Variants in NRG3 observed in about 807,000 individuals in gnomAD.
The protein encoded by NRG3 is neuregulin 3.
In NRG3, 31 loss-of-function variants were observed where a neutral mutation model predicts 66.9. That is an observed-to-expected ratio of 0.46 (90% confidence interval 0.35 to 0.63). The LOEUF (loss-of-function observed/expected upper bound fraction) is 0.63. NRG3 is among the 20% of genes least tolerant of loss of function. The pLI is 0.00. For missense variants in NRG3, 910 were observed against 878.9 expected, an observed-to-expected ratio of 1.04 and a Z score of -0.45; for synonymous variants, 393 against 359.4, an observed-to-expected ratio of 1.09 and a Z score of -1.06.
intron 1 of NRG3, among the ~76,000 whole-genome samples, chr10:82,170,043 C>T (rs1351216310): frequency 1.3e-5 from 2 of 149,298 alleles, no homozygotes; most frequent in Non-Finnish European, 3.0e-5. Flanking sequence ...GAGATATTTT[C>T]TATCTCCACT....
intron 3 of NRG3, among the ~76,000 whole-genome samples, chr10:82,822,731 G>A (rs1461101427): frequency 6.6e-6 from 1 of 152,006 alleles, no homozygotes; most frequent in African/African-American, 2.4e-5. Flanking sequence ...GGTTTTGTGA[G>A]GCCAGTTCCA....
At chr10:82,534,261 C>G (rs1847592440) in intron 2 of NRG3, among the ~76,000 whole-genome samples, 1 of 149,874 alleles carries the variant, frequency 6.7e-6, no homozygotes, top group Non-Finnish European at 1.5e-5. Context: ...TAGAAAAATC[C>G]ATTTTGTTTT....
Position 81,875,331 on chromosome 10 carries a change from G to T in NRG3, c.-10G>T. On this transcript the variant is annotated 5_prime_UTR_variant, in exon 1 of 9. Transcript: ENST00000372141. The surrounding 1 kb of genome is among the most constrained non-coding windows in gnomAD (Gnocchi z 5.3). ...CCTCGGGGGGGCGAAGGTGAAGACCGGCTCCTAGGATGAGTGAAGGGGCGG... is the reference window on the plus strand; with the variant it reads ...CCTCGGGGGGGCGAAGGTGAAGACCTGCTCCTAGGATGAGTGAAGGGGCGG... The T allele has an allele frequency of 2.0e-6, 2 of 986,202 alleles. No homozygotes were observed. Among genetic ancestry groups the T allele is most frequent in the Non-Finnish European group, 2.4e-6 (2 of 831,974 alleles). The allele number at this position is 986,202 out of a possible 1,614,324, so 61.1% of individuals were successfully genotyped here.
chr10:82,419,925 A>T (rs2088934532), intron 2 of NRG3, among the ~76,000 whole-genome samples: 1 of 152,196 alleles, frequency 6.6e-6, no homozygotes, highest in Non-Finnish European at 1.5e-5. Flanking sequence ...GCTCAGAGAC[A>T]CTAATATACT....
chr10:82,313,403 C>T (rs7897939), intron 1 of NRG3, among the ~76,000 whole-genome samples: 24,049 of 151,764 alleles, frequency 0.16, 4,377 homozygotes, highest in African/African-American at 0.44. Flanking sequence ...GGAATTGTTG[C>T]GATTATCATT....
chr10:82,544,083 C>A (rs2043732066), intron 2 of NRG3, among the ~76,000 whole-genome samples: 1 of 152,092 alleles, frequency 6.6e-6, no homozygotes, highest in Admixed American at 6.5e-5. Context: ...TTGCTTTATC[C>A]CTAAAATGGG....
chr10:82,184,557 A>G (rs912948811), intron 1 of NRG3, among the ~76,000 whole-genome samples: 22 of 152,158 alleles, frequency 1.4e-4, no homozygotes, highest in Non-Finnish European at 1.5e-5. Context: ...ATGTATAATA[A>G]TACTTTCTAT....
At chr10:82,452,193 T>G (rs2091045168) in intron 2 of NRG3, among the ~76,000 whole-genome samples, 1 of 152,242 alleles carries the variant, frequency 6.6e-6, no homozygotes, top group Non-Finnish European at 1.5e-5. Context: ...AAACTCATAA[T>G]GATGTGTTTC....
intron 3 of NRG3, among the ~76,000 whole-genome samples, chr10:82,748,963 A>G (rs202167345): frequency 2.0e-5 from 3 of 150,630 alleles, no homozygotes; most frequent in Non-Finnish European, 2.9e-5. Flanking sequence ...TAGAGTTATA[A>G]TTATGATTCC....
chr10:82,636,508 C>A (rs1200458954), intron 2 of NRG3, among the ~76,000 whole-genome samples: 3 of 152,066 alleles, frequency 2.0e-5, no homozygotes, highest in Admixed American at 6.6e-5. Context: ...TAAGTGAGAC[C>A]ATATAATATT....
chr10:82,981,183 T>C (rs1418635743), intron 8 of NRG3, among the ~76,000 whole-genome samples: 1 of 152,172 alleles, frequency 6.6e-6, no homozygotes, highest in African/African-American at 2.4e-5. Context: ...TCTCATTACA[T>C]GTTCAGGCAA....
chr10:82,900,446 G>A (rs1225957849), intron 4 of NRG3, among the ~76,000 whole-genome samples: 1 of 151,988 alleles, frequency 6.6e-6, no homozygotes, highest in Non-Finnish European at 1.5e-5. Flanking sequence ...TATTATAAAT[G>A]TCTTAAAGAT....
intron 4 of NRG3, among the ~76,000 whole-genome samples, chr10:82,917,182 C>T (rs1845922787): frequency 6.6e-6 from 1 of 152,090 alleles, no homozygotes; most frequent in Admixed American, 6.5e-5. Flanking sequence ...TAATATTGGC[C>T]CACTGGAGGA....
At chr10:82,010,292 T>C (rs1216278457) in intron 1 of NRG3, among the ~76,000 whole-genome samples, 2 of 152,132 alleles carry the variant, frequency 1.3e-5, no homozygotes, top group African/African-American at 4.8e-5. Flanking sequence ...TCATAATGAG[T>C]ACACTGTGCT....
chr10:82,831,855 A>T (rs1320107884), intron 3 of NRG3, among the ~76,000 whole-genome samples: 4 of 152,154 alleles, frequency 2.6e-5, no homozygotes, highest in African/African-American at 9.7e-5. Flanking sequence ...AAGGGGTTGC[A>T]ACAGGTACTG....
At chr10:82,324,819 T>G (rs920109285) in intron 1 of NRG3, among the ~76,000 whole-genome samples, 1 of 152,216 alleles carries the variant, frequency 6.6e-6, no homozygotes, top group African/African-American at 2.4e-5. Flanking sequence ...ACTTGTTTAA[T>G]GAACCCGAAT....
chr10:82,349,369 G>T (rs1173556005), intron 1 of NRG3, among the ~76,000 whole-genome samples: 2 of 151,722 alleles, frequency 1.3e-5, no homozygotes, highest in African/African-American at 4.8e-5. Flanking sequence ...CTCCCAGTTA[G>T]GCTGCTCGGG....
chr10:82,298,169 G>T (rs907085103), intron 1 of NRG3, among the ~76,000 whole-genome samples: 1 of 149,856 alleles, frequency 6.7e-6, no homozygotes, highest in Non-Finnish European at 1.5e-5. Flanking sequence ...AAAGAGAGAG[G>T]GAGAGAAAGA....
At chr10:82,165,807 A>G (rs1004970269) in intron 1 of NRG3, among the ~76,000 whole-genome samples, 16 of 151,980 alleles carry the variant, frequency 1.1e-4, no homozygotes, top group African/African-American at 3.1e-4. Context: ...TGGAAATCTA[A>G]GAATTATTTT....
Sources: gnomAD v4.1 joint callset for allele counts (sites outside exome capture counted in the v4.1 genomes callset) on GRCh38, gnomAD v4.1.1 for gene constraint, Gnocchi (gnomAD v3.1) non-coding constraint, MANE v1.5 for transcripts, NCBI Gene and HGNC (gene_info 2026-07-23, HGNC 2026-07-21) for gene names.